Variants in HS3ST4 observed in about 807,000 individuals in gnomAD.
The protein encoded by HS3ST4 is heparan sulfate-glucosamine 3-sulfotransferase 4.
HS3ST4 carries 17 observed loss-of-function variants against 29.2 expected under a neutral mutation model. That is an observed-to-expected ratio of 0.58 (90% CI 0.40 to 0.87). The LOEUF (loss-of-function observed/expected upper bound fraction) is 0.87, where lower values mean the gene tolerates loss of function less well. Among genes scored for constraint, HS3ST4 ranks in the 40% least tolerant of loss-of-function variants. HS3ST4 has a pLI of 0.00. For missense variants in HS3ST4, 627 were observed against 634.5 expected, an observed-to-expected ratio of 0.99 and a Z score of 0.13; for synonymous variants, 314 against 285.7, an observed-to-expected ratio of 1.10 and a Z score of -1.00.
intron 1 of HS3ST4, among the ~76,000 whole-genome samples, chr16:25,743,225 C>T (rs1966666163): frequency 6.6e-6 from 1 of 152,188 alleles, no homozygotes. Context: ...CTTGGCTGTG[C>T]ATGCATCTTC....
chr16:25,836,352 G>A (rs1386486761), intron 1 of HS3ST4, among the ~76,000 whole-genome samples: 1 of 152,126 alleles, frequency 6.6e-6, no homozygotes, highest in Admixed American at 6.5e-5. Context: ...TAAGCAGGCA[G>A]TCCTGTTAAC....
chr16:25,938,352 A>C (rs1295481134), intron 1 of HS3ST4, among the ~76,000 whole-genome samples: 2 of 152,308 alleles, frequency 1.3e-5, no homozygotes, highest in East Asian at 3.9e-4. Context: ...AGTTGCAGGC[A>C]GATGAGATTG....
intron 1 of HS3ST4, among the ~76,000 whole-genome samples, chr16:25,801,292 C>T (rs1468061696): frequency 6.6e-6 from 1 of 152,136 alleles, no homozygotes; most frequent in African/African-American, 2.4e-5. Context: ...CATGACATTC[C>T]ATTGTGTTGG....
chr16:26,003,097 A>T (rs1421958361), intron 1 of HS3ST4, among the ~76,000 whole-genome samples: 4 of 152,186 alleles, frequency 2.6e-5, no homozygotes, highest in African/African-American at 9.6e-5. Context: ...TCTCTGTCAG[A>T]TAGAAGGGAT....
chr16:26,110,706 T>C (rs554960382), intron 1 of HS3ST4, among the ~76,000 whole-genome samples: 27 of 152,320 alleles, frequency 1.8e-4, no homozygotes, highest in African/African-American at 4.8e-4. Context: ...TTGGAAATTG[T>C]AATTCAGATC....
chr16:26,130,985 T>C lies in HS3ST4; in HGVS notation c.735-4627T>C, dbSNP rs150909254. ...CCCCTAAAACCTGCCCTGTTCCCAG[T>C]AGTGTCCACATCAGTAAATCATGCT... On this transcript the variant is annotated intron_variant, in intron 1 of 1. Coordinates refer to ENST00000331351, the MANE Select transcript of HS3ST4 (RefSeq NM_006040.3). Among the ~76,000 whole-genome samples, 7 of 152,362 alleles carry C rather than the reference T, an allele frequency of 4.6e-5. No homozygotes were observed. In the East Asian group the frequency reaches 1.2e-3, roughly 25 times the overall value.
At chr16:26,114,647 G>A (rs1211050890) in intron 1 of HS3ST4, among the ~76,000 whole-genome samples, 2 of 152,158 alleles carry the variant, frequency 1.3e-5, no homozygotes. Context: ...CTGTCAGTTG[G>A]AGAAAACAGG....
At chr16:25,780,293 C>T (rs1458963856) in intron 1 of HS3ST4, among the ~76,000 whole-genome samples, 2 of 152,170 alleles carry the variant, frequency 1.3e-5, no homozygotes, top group Non-Finnish European at 2.9e-5. Flanking sequence ...TCCCATTTGA[C>T]ATTTGCAGTA....
At chr16:26,023,196 A>G (rs1969432163) in intron 1 of HS3ST4, among the ~76,000 whole-genome samples, 1 of 152,024 alleles carries the variant, frequency 6.6e-6, no homozygotes, top group Non-Finnish European at 1.5e-5. Context: ...GCTGCAGATT[A>G]TGTCATCTTG....
chr16:25,849,146 T>C (rs1032848088), intron 1 of HS3ST4, among the ~76,000 whole-genome samples: 4 of 152,228 alleles, frequency 2.6e-5, no homozygotes, highest in Non-Finnish European at 5.9e-5. Flanking sequence ...TTCTTCTATG[T>C]AGCTTTAACA....
At chr16:26,030,972 C>T (rs1969525574) in intron 1 of HS3ST4, among the ~76,000 whole-genome samples, 1 of 152,178 alleles carries the variant, frequency 6.6e-6, no homozygotes, top group South Asian at 2.1e-4. Context: ...TCAGACAGTG[C>T]CTAGCACGTA....
chr16:25,798,257 A>G (rs192678109), intron 1 of HS3ST4, among the ~76,000 whole-genome samples: 11 of 152,218 alleles, frequency 7.2e-5, no homozygotes, highest in Admixed American at 7.2e-4. Flanking sequence ...GCCAGGATAC[A>G]GTAGTGTATC....
chr16:25,873,879 G>A (rs918837913), intron 1 of HS3ST4, among the ~76,000 whole-genome samples: 1 of 152,044 alleles, frequency 6.6e-6, no homozygotes, highest in African/African-American at 2.4e-5. Context: ...TAGTACAATT[G>A]TTTCCTCTTT....
chr16:25,805,572 T>C (rs1381275817), intron 1 of HS3ST4, among the ~76,000 whole-genome samples: 4 of 152,162 alleles, frequency 2.6e-5, no homozygotes, highest in Admixed American at 1.3e-4. Flanking sequence ...GATGACTGAA[T>C]CAGTCCTCTT....
intron 1 of HS3ST4, among the ~76,000 whole-genome samples, chr16:25,738,054 G>A (rs1567230279): frequency 6.6e-6 from 1 of 151,988 alleles, no homozygotes; most frequent in Non-Finnish European, 1.5e-5. Context: ...ACAGGCACGT[G>A]CCACCACGCC....
chr16:26,115,797 T>A (rs1899195098), intron 1 of HS3ST4, among the ~76,000 whole-genome samples: 1 of 152,082 alleles, frequency 6.6e-6, no homozygotes, highest in African/African-American at 2.4e-5. Context: ...ACCAAGATCA[T>A]CTGGGGCCAC....
At chr16:25,704,530 G>T (rs987695120) in intron 1 of HS3ST4, among the ~76,000 whole-genome samples, 2 of 152,050 alleles carry the variant, frequency 1.3e-5, no homozygotes. Flanking sequence ...CATGATCATA[G>T]CTCACAGCAG....
intron 1 of HS3ST4, among the ~76,000 whole-genome samples, chr16:26,130,632 G>C (rs888243446): frequency 3.3e-5 from 5 of 152,122 alleles, no homozygotes; most frequent in African/African-American, 9.7e-5. Flanking sequence ...AAGGACTCTG[G>C]GAATTAGAAG....
chr16:25,798,358 A>G (rs1433114268), intron 1 of HS3ST4, among the ~76,000 whole-genome samples: 1 of 152,142 alleles, frequency 6.6e-6, no homozygotes, highest in Non-Finnish European at 1.5e-5. Flanking sequence ...CTCACATTTC[A>G]TGTTTATGTT....
Sources: allele counts gnomAD v4.1 joint callset (sites outside exome capture counted in the v4.1 genomes callset), GRCh38; gene constraint gnomAD v4.1.1; transcripts MANE v1.5; gene names NCBI Gene and HGNC (gene_info 2026-07-23, HGNC 2026-07-21).